MUC7: variants seen among roughly 807,000 people sequenced by gnomAD.
MUC7 encodes the protein mucin-7.
A neutral mutation model predicts 2.5 loss-of-function variants in MUC7; 2 were observed. The ratio of observed to expected loss-of-function variants is 0.81; its 90% CI spans 0.33 to 2.55. MUC7 has a LOEUF of 2.55. Ranked by LOEUF, MUC7 falls within the 30% of genes most tolerant of loss-of-function variation. The pLI is 0.11. For missense variants in MUC7, 408 were observed against 455.6 expected, an observed-to-expected ratio of 0.90 and a Z score of 0.95; for synonymous variants, 133 against 173.4, an observed-to-expected ratio of 0.77 and a Z score of 1.83.
intron 1 of MUC7, among the ~76,000 whole-genome samples, chr4:70,441,126 G>T (rs74506626): frequency 0.072 from 10,903 of 152,142 alleles, 597 homozygotes; most frequent in East Asian, 0.21. Flanking sequence ...TGTATTTATA[G>T]GTTCTGGAAA....
chr4:70,439,400 CAG>C (rs1163572144), intron 1 of MUC7, among the ~76,000 whole-genome samples: 52 of 152,218 alleles, frequency 3.4e-4, no homozygotes, highest in African/African-American at 1.2e-3. Context: ...GAAGTTTAAG[CAG>C]GGGATTTGGT....
chr4:70,446,388 T>A (rs1734135933), intron 1 of MUC7, among the ~76,000 whole-genome samples: 1 of 152,208 alleles, frequency 6.6e-6, no homozygotes, highest in Non-Finnish European at 1.5e-5. Flanking sequence ...AGGGCCATCT[T>A]GCCTGTGAAA....
intron 2 of MUC7, among the ~76,000 whole-genome samples, chr4:70,479,496 A>C (rs1049388869): frequency 1.3e-5 from 2 of 152,198 alleles, no homozygotes; most frequent in Admixed American, 1.3e-4. Context: ...TGGTCATCTA[A>C]AAAGGGCTTC....
chr4:70,461,723 C>T (rs1008935484), intron 1 of MUC7, among the ~76,000 whole-genome samples: 7 of 151,800 alleles, frequency 4.6e-5, no homozygotes, highest in South Asian at 2.1e-4. Context: ...CAGAGCTCTC[C>T]GCTTACCTTT....
chr4:70,434,132 A>G (rs1277258778), intron 1 of MUC7, among the ~76,000 whole-genome samples: 1 of 152,168 alleles, frequency 6.6e-6, no homozygotes, highest in Non-Finnish European at 1.5e-5. Context: ...CCAGTATTTT[A>G]TTGAGGATTT....
At chr4:70,447,135 G>A (rs1197620129) in intron 1 of MUC7, among the ~76,000 whole-genome samples, 5 of 152,178 alleles carry the variant, frequency 3.3e-5, no homozygotes, top group Non-Finnish European at 7.3e-5. Context: ...TTGAGAGGAT[G>A]TACAGAAAGC....
At chr4:70,454,181 T>C (rs1734359733) in intron 1 of MUC7, among the ~76,000 whole-genome samples, 1 of 152,146 alleles carries the variant, frequency 6.6e-6, no homozygotes, top group South Asian at 2.1e-4. Context: ...GCCTCCCATG[T>C]CCACTGGGTC....
At chr4:70,460,749 C>T (rs1734534506) in intron 1 of MUC7, among the ~76,000 whole-genome samples, 2 of 152,022 alleles carry the variant, frequency 1.3e-5, no homozygotes, top group East Asian at 1.9e-4. Context: ...CTGCTATGGC[C>T]CTCAGGGTGG....
chr4:70,432,889 C>G lies in MUC7; in HGVS notation c.-93+2202C>G, dbSNP rs376938976. On this transcript the variant is annotated intron_variant, in intron 1 of 3. Transcript: ENST00000413702. ...TCTAATATGTAAGTCTTTAATCCAT[C>G]TTGAATTAATTTTTGAATAAGGTGT... Among the ~76,000 whole-genome samples, 26 of 152,232 alleles carry G rather than the reference C, an allele frequency of 1.7e-4. No individual in the cohort carries two copies. The South Asian group carries it at 5.2e-3, about 30-fold the overall frequency.
intron 1 of MUC7, among the ~76,000 whole-genome samples, chr4:70,433,340 T>C (rs1034439912): frequency 4.6e-5 from 7 of 152,224 alleles, no homozygotes; most frequent in Non-Finnish European, 8.8e-5. Flanking sequence ...ATTTTCAAGA[T>C]ATTGATTCTT....
intron 1 of MUC7, among the ~76,000 whole-genome samples, chr4:70,453,447 C>T (rs1162890405): frequency 4.6e-5 from 7 of 152,252 alleles, no homozygotes; most frequent in Non-Finnish European, 1.0e-4. Context: ...CTGACTACTG[C>T]TGATGTTCCC....
At chr4:70,448,419 C>G (rs947433027) in intron 1 of MUC7, among the ~76,000 whole-genome samples, 2 of 152,090 alleles carry the variant, frequency 1.3e-5, no homozygotes, top group African/African-American at 2.4e-5. Context: ...GTTCAAGTGT[C>G]CTTGCCATCA....
intron 2 of MUC7, 35 bp from the exon 3 acceptor site, chr4:70,480,764 T>G: frequency 6.3e-7 from 1 of 1,597,130 alleles, no homozygotes; most frequent in Non-Finnish European, 8.5e-7. Flanking sequence ...AATGGATACT[T>G]TTTTCATTTC....
intron 1 of MUC7, among the ~76,000 whole-genome samples, chr4:70,436,551 A>G (rs933658215): frequency 6.6e-6 from 1 of 152,140 alleles, no homozygotes; most frequent in African/African-American, 2.4e-5. Context: ...CAGCTCCATC[A>G]GGTCATTCTC....
intron 1 of MUC7, among the ~76,000 whole-genome samples, chr4:70,451,128 T>C (rs878860846): frequency 6.6e-6 from 1 of 152,208 alleles, no homozygotes; most frequent in Admixed American, 6.5e-5. Flanking sequence ...TTCAGACCAC[T>C]AGGACTGGTG....
intron 1 of MUC7, among the ~76,000 whole-genome samples, chr4:70,435,819 T>A (rs1577896572): frequency 1.3e-5 from 2 of 152,338 alleles, no homozygotes; most frequent in Middle Eastern, 3.4e-3. Context: ...CACTTTGGCA[T>A]GTTTTTGCAG....
intron 1 of MUC7, among the ~76,000 whole-genome samples, chr4:70,466,662 C>T (rs999907228): frequency 6.7e-6 from 1 of 149,128 alleles, no homozygotes. Flanking sequence ...AAAAAGACAA[C>T]AGCATTACAT....
intron 1 of MUC7, among the ~76,000 whole-genome samples, chr4:70,436,753 G>A (rs1191968649): frequency 6.6e-6 from 1 of 152,192 alleles, no homozygotes; most frequent in East Asian, 1.9e-4. Context: ...GCAAGGAGCT[G>A]TGTTCCTTTG....
At chr4:70,464,666 C>A (rs1458771750) in intron 1 of MUC7, among the ~76,000 whole-genome samples, 1 of 152,120 alleles carries the variant, frequency 6.6e-6, no homozygotes, top group Non-Finnish European at 1.5e-5. Flanking sequence ...CAAAGCTCAG[C>A]AAAGCCACTG....
Sources: gnomAD v4.1 joint callset for allele counts (sites outside exome capture counted in the v4.1 genomes callset) on GRCh38, gnomAD v4.1.1 for gene constraint, MANE v1.5 for transcripts, NCBI Gene and HGNC (gene_info 2026-07-23, HGNC 2026-07-21) for gene names.